Variants in ATAD2B observed in about 807,000 individuals in gnomAD.
ATAD2B encodes ATPase family AAA domain containing 2B.
In ATAD2B, 40 loss-of-function variants were observed where a neutral mutation model predicts 167.6. That is an observed-to-expected ratio of 0.24 (90% CI 0.19 to 0.31). ATAD2B has a LOEUF of 0.31. Ranked by LOEUF, ATAD2B falls within the 10% of genes least tolerant of loss-of-function variation. The pLI is 1.00. For synonymous variants in ATAD2B, 579 were observed against 596.5 expected, an observed-to-expected ratio of 0.97 and a Z score of 0.43; for missense variants, 1,242 against 1,757.2, an observed-to-expected ratio of 0.71 and a Z score of 5.24.
chr2:23,754,121 T>A, intron 27 of ATAD2B, 58 bp downstream of exon 27: 1 of 1,383,814 alleles, frequency 7.2e-7, no homozygotes, highest in Non-Finnish European at 9.5e-7. Context: ...TTTCCTCTTT[T>A]CTTTGGAACA....
the ATAD2B span, among the ~76,000 whole-genome samples, chr2:23,705,695 G>T: frequency 6.6e-6 from 1 of 152,198 alleles, no homozygotes; most frequent in Non-Finnish European, 1.5e-5. Context: ...TCAGAAACGG[G>T]TGGAGCCTTT....
At chr2:23,920,804 A>AG (rs1318412417) in intron 1 of ATAD2B, among the ~76,000 whole-genome samples, 3 of 152,084 alleles carry the variant, frequency 2.0e-5, no homozygotes, top group Non-Finnish European at 4.4e-5. Flanking sequence ...AAAAATTCCC[A>AG]ATTTTTTTTA....
At chr2:23,717,908 A>G in the ATAD2B span, among the ~76,000 whole-genome samples, 1 of 152,234 alleles carries the variant, frequency 6.6e-6, no homozygotes, top group African/African-American at 2.4e-5. Context: ...TATTTTAGAA[A>G]CGCAGGCTAA....
At chr2:23,899,303 C>CACA (rs1700510503) in intron 1 of ATAD2B, among the ~76,000 whole-genome samples, 1 of 67,388 alleles carries the variant, frequency 1.5e-5, no homozygotes, top group Non-Finnish European at 2.8e-5. Flanking sequence ...GACCCCATCT[C>CACA]AAAAAAAAAA....
chr2:23,884,742 A>G (rs745945030), intron 6 of ATAD2B, 23 bp downstream of exon 6: 1 of 1,429,832 alleles, frequency 7.0e-7, no homozygotes. Flanking sequence ...ACTTTCTAGA[A>G]TTCCAAAAAG....
chr2:23,865,584 T>C (rs988559497), intron 10 of ATAD2B, among the ~76,000 whole-genome samples: 1 of 151,464 alleles, frequency 6.6e-6, no homozygotes, highest in African/African-American at 2.4e-5. Context: ...ATTTTGTACA[T>C]GTATTCTCAG....
the ATAD2B span, among the ~76,000 whole-genome samples, chr2:23,721,399 GC>G: frequency 6.6e-6 from 1 of 152,042 alleles, no homozygotes; most frequent in East Asian, 1.9e-4. Flanking sequence ...TCCATAGGCT[GC>G]CCCTGGAGGT....
At chr2:23,892,824 G>A (rs183015547) in intron 2 of ATAD2B, among the ~76,000 whole-genome samples, 16 of 152,138 alleles carry the variant, frequency 1.1e-4, no homozygotes, top group East Asian at 1.9e-4. Flanking sequence ...TAGAGTATGC[G>A]TATTATTCTA....
intron 19 of ATAD2B, 29 bp downstream of exon 19, chr2:23,798,109 G>A: frequency 7.5e-7 from 1 of 1,324,836 alleles, no homozygotes; most frequent in Non-Finnish European, 1.0e-6. Flanking sequence ...AATATAATAA[G>A]GAAAGATAAA....
intron 8 of ATAD2B, among the ~76,000 whole-genome samples, chr2:23,870,686 A>G (rs990300877): frequency 4.0e-5 from 6 of 149,696 alleles, no homozygotes; most frequent in African/African-American, 1.2e-4. Flanking sequence ...TTTTTTTTTT[A>G]ATTTTATCTT....
Position 23,926,926 on chromosome 2 carries a change from G to T in ATAD2B, c.-156C>A. 1.1e-6 allele frequency: 1 copy of T among 910,944 alleles called. No individual in the cohort carries two copies. Among genetic ancestry groups the T allele is most frequent in the Non-Finnish European group, 1.6e-6 (1 of 643,622 alleles). The allele number at this position is 910,944 out of a possible 1,614,324, so 56.4% of individuals were successfully genotyped here. The stretch of plus-strand genomic sequence containing the variant: ...GCGCAGACGAGCACAAGAGAGAGCC[G>T]GGCAGAGGAAGGGAAGTCGGCGTGA... On this transcript the variant is annotated 5_prime_UTR_variant, in exon 1 of 28. Transcript: ENST00000238789.
intron 17 of ATAD2B, 99 bp from the exon 18 acceptor site, chr2:23,810,601 AAATT>A: frequency 1.1e-6 from 1 of 882,794 alleles, no homozygotes; most frequent in Non-Finnish European, 1.7e-6. Flanking sequence ...ATTTAACTCC[AAATT>A]AACAGAACTT....
Position 23,867,911 on chromosome 2 carries a change from G to A in ATAD2B, c.1112C>T (p.Ala371Val). 6.2e-7 allele frequency: 1 copy of A among 1,613,678 alleles called. No homozygotes were observed. ...CACTCGTTCTCGGAGAATACCGCTAGCTAAGTCCTCTGCTCTGAAGTTCAT... is the reference window on the plus strand; with the variant it reads ...CACTCGTTCTCGGAGAATACCGCTAACTAAGTCCTCTGCTCTGAAGTTCAT... ...LPMNFRAEDL[A>V]SGILRERVKV... The change falls in exon 10 of 28, where the codon GCT (alanine) becomes GTT (valine). Residue 371 changes from alanine to valine, a missense_variant. Ala to Val is a moderately conservative substitution (Grantham distance 64). Coordinates refer to ENST00000238789, the MANE Select transcript of ATAD2B (RefSeq NM_017552.4).
At position 23,810,469 on chromosome 2, in the gene ATAD2B, T is replaced by C; in HGVS notation, c.2301A>G (p.Pro767=). 2 of 1,613,938 alleles carry C rather than the reference T, an allele frequency of 1.2e-6. No homozygotes were observed. Among genetic ancestry groups the C allele is most frequent in the Middle Eastern group, 1.7e-4 (1 of 6,060 alleles). ...CCCGTTCTCCAGAGAGCAATAAGCG[T>C]GGCCTGTAAGAGGTTGGCTGATGAT... is the stretch of plus-strand genomic sequence containing the variant. ...SPYHQPTSYR[P]RLLLSGERGS... Residue 767 remains proline, a synonymous_variant, in exon 18 of 28, where the codon CCA becomes CCG. Transcript: ENST00000238789.
At chr2:23,809,832 T>C (rs1404584833) in intron 18 of ATAD2B, among the ~76,000 whole-genome samples, 1 of 152,070 alleles carries the variant, frequency 6.6e-6, no homozygotes, top group African/African-American at 2.4e-5. Flanking sequence ...AACCAGTAAA[T>C]ACAAAATAGT....
intron 4 of ATAD2B, among the ~76,000 whole-genome samples, chr2:23,886,280 C>T (rs1225836423): frequency 6.6e-6 from 1 of 152,092 alleles, no homozygotes; most frequent in East Asian, 1.9e-4. Context: ...CATCCATCAA[C>T]AGAATACAGT....
At chr2:23,745,403 A>AGGAC (rs1674796899), downstream of ATAD2B, among the ~76,000 whole-genome samples, 1 of 116,286 alleles carries the variant, frequency 8.6e-6, no homozygotes. Context: ...GAAGGAAGGA[A>AGGAC]GGAAGGAAGG....
chr2:23,787,381 A>T (rs1680984043), intron 20 of ATAD2B, among the ~76,000 whole-genome samples: 1 of 152,082 alleles, frequency 6.6e-6, no homozygotes, highest in Non-Finnish European at 1.5e-5. Context: ...CTATGAGATT[A>T]AAATATATCT....
intron 19 of ATAD2B, among the ~76,000 whole-genome samples, chr2:23,791,646 A>C (rs1183449342): frequency 6.6e-6 from 1 of 152,218 alleles, no homozygotes; most frequent in East Asian, 1.9e-4. Flanking sequence ...GAATTATACA[A>C]AATTTGTCCT....
Sources: gnomAD v4.1 joint callset for allele counts (sites outside exome capture counted in the v4.1 genomes callset) on GRCh38, gnomAD v4.1.1 for gene constraint, MANE v1.5 for transcripts, NCBI Gene and HGNC (gene_info 2026-07-23, HGNC 2026-07-21) for gene names.